The following EXOC6B variants were observed in gnomAD, a reference collection of about 807,000 sequenced individuals.
EXOC6B encodes the protein SEC15 homolog B.
In EXOC6B, 54 loss-of-function variants were observed where a neutral mutation model predicts 113.5. That is an observed-to-expected ratio of 0.48 (90% CI 0.38 to 0.60). The LOEUF is 0.60. EXOC6B is among the 20% of genes least tolerant of loss of function. EXOC6B has a pLI of 0.00. For missense variants in EXOC6B, 797 were observed against 977.5 expected, an observed-to-expected ratio of 0.82 and a Z score of 2.46; for synonymous variants, 357 against 339.0, an observed-to-expected ratio of 1.05 and a Z score of -0.58.
At chr2:72,419,924 T>A (rs966185194) in intron 18 of EXOC6B, among the ~76,000 whole-genome samples, 1 of 152,176 alleles carries the variant, frequency 6.6e-6, no homozygotes, top group South Asian at 2.1e-4. Context: ...GGTACAACAA[T>A]GTGCATAATA....
intron 18 of EXOC6B, among the ~76,000 whole-genome samples, chr2:72,407,199 G>C (rs1693839228): frequency 6.6e-6 from 1 of 152,074 alleles, no homozygotes; most frequent in Admixed American, 6.6e-5. Flanking sequence ...CCAATAACAG[G>C]CTCTGAAATT....
chr2:72,514,954 GACACACAC>G (rs57089571), intron 9 of EXOC6B, 81 bp downstream of exon 9: 125 of 887,688 alleles, frequency 1.4e-4, no homozygotes, highest in African/African-American at 2.5e-4. Flanking sequence ...CACACACACA[GACACACAC>G]ACACACACAC....
intron 1 of EXOC6B, among the ~76,000 whole-genome samples, chr2:72,769,434 T>A (rs1683283071): frequency 6.6e-6 from 1 of 152,178 alleles, no homozygotes; most frequent in Non-Finnish European, 1.5e-5. Context: ...CCTAGCAGTG[T>A]CAAGGAAGTG....
At position 72,631,398 on chromosome 2, in the gene EXOC6B, G is replaced by A. The variant is rs1052230585; in HGVS notation, c.670-55730C>T. On this transcript the variant is annotated intron_variant, in intron 6 of 21. Transcript: ENST00000272427. ...TATATATATGGAGTGATATAGTAGTGTGTGTATATGTGTGTGTGTGTGTGT... is the reference window on the plus strand; with the variant it reads ...TATATATATGGAGTGATATAGTAGTATGTGTATATGTGTGTGTGTGTGTGT... 5.2e-5 allele frequency among the ~76,000 whole-genome samples: 7 copies of A among 135,424 alleles called. No homozygotes were observed. In the Admixed American group the frequency reaches 5.8e-4, roughly 11 times the overall value. The allele number at this position is 135,424 out of a possible 152,430, so 88.8% of individuals were successfully genotyped here. A position where few individuals can be genotyped will look rare whatever the true frequency, so the allele number is the denominator to read the frequency against.
intron 19 of EXOC6B, among the ~76,000 whole-genome samples, chr2:72,368,071 G>A (rs1188227983): frequency 6.6e-6 from 1 of 152,154 alleles, no homozygotes; most frequent in Non-Finnish European, 1.5e-5. Context: ...AGCCAGGGCA[G>A]CTAAGGGAAT....
At chr2:72,773,718 G>A (rs913843316) in intron 1 of EXOC6B, among the ~76,000 whole-genome samples, 3 of 152,050 alleles carry the variant, frequency 2.0e-5, no homozygotes, top group Non-Finnish European at 4.4e-5. Flanking sequence ...AAAATAGTTT[G>A]TTTTACATTT....
intron 18 of EXOC6B, among the ~76,000 whole-genome samples, chr2:72,386,352 A>G (rs1692026662): frequency 6.6e-6 from 1 of 152,216 alleles, no homozygotes; most frequent in Non-Finnish European, 1.5e-5. Context: ...GCTGCTGAGC[A>G]ACCACTTGCT....
At position 72,513,252 on chromosome 2, in the gene EXOC6B, G is replaced by C. The variant is rs1701041621; in HGVS notation, c.1047C>G (p.Gly349=). 6.2e-7 allele frequency: 1 copy of C among 1,612,218 alleles called. No homozygotes were observed. Among genetic ancestry groups the C allele is most frequent in the East Asian group, 2.2e-5 (1 of 44,824 alleles). Residue 349 remains glycine (G), a splice_region_variant and synonymous_variant, in exon 11 of 22, where the codon GGC becomes GGG. Coordinates refer to ENST00000272427, the MANE Select transcript of EXOC6B (RefSeq NM_015189.3). ...AAATGTGATCTTCAACCACAAAAAAGCTAAGATTGAGGAAAAAAGAAAGCA... is the reference window on the plus strand; with the variant it reads ...AAATGTGATCTTCAACCACAAAAAACCTAAGATTGAGGAAAAAAGAAAGCA... ...GYRKYFNQIV[G]FFVVEDHILH...
chr2:72,763,433 T>C (rs1682861010), intron 1 of EXOC6B, among the ~76,000 whole-genome samples: 1 of 151,896 alleles, frequency 6.6e-6, no homozygotes, highest in Non-Finnish European at 1.5e-5. Context: ...TTTTTCTTTT[T>C]TTTTTTTTTC....
At chr2:72,340,588 T>C (rs1688970569) in intron 19 of EXOC6B, among the ~76,000 whole-genome samples, 2 of 152,150 alleles carry the variant, frequency 1.3e-5, no homozygotes, top group South Asian at 4.1e-4. Flanking sequence ...CACGATAGCA[T>C]CACCTGCTCT....
intron 18 of EXOC6B, among the ~76,000 whole-genome samples, chr2:72,461,189 C>T (rs1697636879): frequency 8.3e-6 from 1 of 120,410 alleles, no homozygotes; most frequent in South Asian, 2.7e-4. Context: ...AGGGGAACAT[C>T]ACACTCTGGG....
intron 20 of EXOC6B, among the ~76,000 whole-genome samples, chr2:72,292,028 G>GA (rs1318890289): frequency 1.2e-4 from 19 of 152,242 alleles, no homozygotes; most frequent in African/African-American, 4.6e-4. Flanking sequence ...TCTTACCCCT[G>GA]ACTCAGTAAC....
At chr2:72,312,851 AT>A (rs1410487791) in intron 20 of EXOC6B, among the ~76,000 whole-genome samples, 2 of 151,980 alleles carry the variant, frequency 1.3e-5, no homozygotes, top group Admixed American at 1.3e-4. Context: ...ATCTAACCTA[AT>A]TTTTTCATTT....
At chr2:72,222,951 C>T (rs1004362341) in intron 20 of EXOC6B, among the ~76,000 whole-genome samples, 1 of 152,178 alleles carries the variant, frequency 6.6e-6, no homozygotes. Flanking sequence ...TACTCACTCT[C>T]TCTTCACAGA....
In EXOC6B at chr2:72,390,608, G is replaced by A. The variant is rs181124210; in HGVS notation, c.1981-10738C>T. The stretch of plus-strand genomic sequence containing the variant: ...CAGTGTGAAATTTTAAAGTTTACTG[G>A]TATGCACTTTTATGCAGAGATCAGA... On this transcript the variant is annotated intron_variant, in intron 18 of 21. Coordinates refer to ENST00000272427, the MANE Select transcript of EXOC6B (RefSeq NM_015189.3). Among the ~76,000 whole-genome samples the A allele has an allele frequency of 2.4e-3, 360 of 152,242 alleles. 2 individuals are homozygous for A. The highest frequency in any genetic ancestry group is 7.9e-3 in the African/African-American group (328 of 41,548).
intron 20 of EXOC6B, among the ~76,000 whole-genome samples, chr2:72,201,546 G>A (rs547434942): frequency 9.7e-4 from 148 of 152,286 alleles, no homozygotes; most frequent in African/African-American, 2.9e-3. Context: ...CTCTTAATGA[G>A]ATAACTGAAA....
chr2:72,597,472 T>G (rs1177085301), intron 6 of EXOC6B, among the ~76,000 whole-genome samples: 1 of 151,836 alleles, frequency 6.6e-6, no homozygotes, highest in Non-Finnish European at 1.5e-5. Context: ...AAAATGGAAT[T>G]CTATAAAATA....
At chr2:72,723,524 A>G (rs980589299) in intron 5 of EXOC6B, among the ~76,000 whole-genome samples, 2 of 152,198 alleles carry the variant, frequency 1.3e-5, no homozygotes, top group South Asian at 2.1e-4. Context: ...GATCCTTGAA[A>G]GCAAATTGCA....
At chr2:72,531,404 A>G (rs1488688767) in intron 8 of EXOC6B, among the ~76,000 whole-genome samples, 1 of 152,172 alleles carries the variant, frequency 6.6e-6, no homozygotes, top group Non-Finnish European at 1.5e-5. Flanking sequence ...TTTTCTCTAC[A>G]TACTGTCAGC....
Sources: gnomAD v4.1 joint callset for allele counts (sites outside exome capture counted in the v4.1 genomes callset) on GRCh38, gnomAD v4.1.1 for gene constraint, MANE v1.5 for transcripts, NCBI Gene and HGNC (gene_info 2026-07-23, HGNC 2026-07-21) for gene names.